The following KCNJ16 variants were observed in gnomAD, a reference collection of about 807,000 sequenced individuals.
KCNJ16 encodes the protein inward rectifier potassium channel 16.
In KCNJ16, 15 loss-of-function variants were observed where a neutral mutation model predicts 18.5. The ratio of observed to expected loss-of-function variants is 0.81; its 90% confidence interval spans 0.54 to 1.25. The LOEUF is 1.25. Among genes scored for constraint, KCNJ16 ranks in the 50% most tolerant of loss-of-function variants. The pLI, the probability that KCNJ16 is intolerant of heterozygous loss-of-function variation, is 0.00. For synonymous variants in KCNJ16, 174 were observed against 186.5 expected (o/e 0.93, Z 0.55); for missense variants, 523 against 525.7 (o/e 0.99, Z 0.05).
chr17:70,114,617 C>T (rs1243965402), intron 2 of KCNJ16, among the ~76,000 whole-genome samples: 2 of 152,124 alleles, frequency 1.3e-5, no homozygotes, highest in African/African-American at 4.8e-5. Context: ...AAGCAGGTAA[C>T]TAGTACAAAA....
intron 1 of KCNJ16, among the ~76,000 whole-genome samples, chr17:70,098,836 C>T (rs552966838): frequency 1.8e-3 from 270 of 152,228 alleles, no homozygotes; most frequent in African/African-American, 5.5e-3. Context: ...GCTGGTCAAA[C>T]GGCACCTCAA....
chr17:70,124,600 G>A (rs975342562), intron 2 of KCNJ16, among the ~76,000 whole-genome samples: 4 of 152,146 alleles, frequency 2.6e-5, no homozygotes, highest in Admixed American at 2.6e-4. Context: ...TGCCAACCCA[G>A]ATCCAGCTCA....
chr17:70,095,689 A>C (rs1054296295), intron 1 of KCNJ16, among the ~76,000 whole-genome samples: 1 of 151,776 alleles, frequency 6.6e-6, no homozygotes, highest in African/African-American at 2.4e-5. Context: ...CTTTATTAGG[A>C]TCTCTATACA....
At chr17:70,106,492 G>T (rs2072933302) in intron 2 of KCNJ16, among the ~76,000 whole-genome samples, 1 of 152,092 alleles carries the variant, frequency 6.6e-6, no homozygotes, top group Non-Finnish European at 1.5e-5. Context: ...AGTGATAGGG[G>T]GTTAATAGCT....
chr17:70,115,835 T>G (rs896385493), intron 2 of KCNJ16, among the ~76,000 whole-genome samples: 6 of 152,208 alleles, frequency 3.9e-5, no homozygotes, highest in African/African-American at 1.4e-4. Context: ...ATATTTGTTT[T>G]TGTAAATTGT....
intron 2 of KCNJ16, among the ~76,000 whole-genome samples, chr17:70,105,640 A>G (rs978858639): frequency 6.6e-6 from 1 of 152,236 alleles, no homozygotes; most frequent in Non-Finnish European, 1.5e-5. Flanking sequence ...AGGTAACTTC[A>G]ATAAATAATA....
intron 1 of KCNJ16, among the ~76,000 whole-genome samples, chr17:70,096,453 CTTAT>C (rs1382845118): frequency 2.4e-5 from 2 of 83,566 alleles, no homozygotes; most frequent in Non-Finnish European, 4.8e-5. Context: ...GTATTATGAA[CTTAT>C]TTAATTTTTA....
chr17:70,075,360 C>T lies in KCNJ16; in HGVS notation c.-330C>T, dbSNP rs535079144. 32 of 152,260 alleles carry T rather than the reference C, an allele frequency of 2.1e-4. No homozygotes were observed. Among genetic ancestry groups the T allele is most frequent in the African/African-American group, 7.7e-4 (32 of 41,540 alleles). The allele number at this position is 152,260 out of a possible 1,614,324, so 9.4% of individuals were successfully genotyped here. A position where few individuals can be genotyped will look rare whatever the true frequency, so the allele number is the denominator to read the frequency against. On this transcript the variant is annotated 5_prime_UTR_variant, in exon 1 of 4. Transcript: ENST00000392671. ...ATTGCCCAGCTGAAAGCACCTAGCT[C>T]ATAGATTCTCTGTGGGGAGAGTGAA...
chr17:70,106,920 C>G (rs2072958428), intron 2 of KCNJ16, among the ~76,000 whole-genome samples: 1 of 152,086 alleles, frequency 6.6e-6, no homozygotes, highest in Non-Finnish European at 1.5e-5. Flanking sequence ...AAGAGGTGGC[C>G]TCTTAATAGG....
chr17:70,087,065 CTT>C (rs142092333), intron 1 of KCNJ16, among the ~76,000 whole-genome samples: 2 of 140,938 alleles, frequency 1.4e-5, no homozygotes, highest in African/African-American at 5.2e-5. Flanking sequence ...CACCTAGCTA[CTT>C]TTTTTTTTTT....
chr17:70,116,039 C>T (rs554444818), intron 2 of KCNJ16, among the ~76,000 whole-genome samples: 1 of 151,782 alleles, frequency 6.6e-6, no homozygotes, highest in South Asian at 2.1e-4. Context: ...TTTCTTTCTG[C>T]AAAAGTCATG....
intron 2 of KCNJ16, among the ~76,000 whole-genome samples, chr17:70,123,138 T>C (rs977209059): frequency 1.3e-5 from 2 of 152,184 alleles, no homozygotes; most frequent in African/African-American, 4.8e-5. Flanking sequence ...GGGAGAAATA[T>C]CCAAATCTTT....
rs188091604 is a variant in KCNJ16 at position 70,096,893 on chromosome 17, C to T, written c.-299-3765C>T. 1.0e-3 allele frequency: 399 copies of T among 398,262 alleles called. 3 individuals carry two copies. The highest frequency in any genetic ancestry group is 1.4e-3 in the Non-Finnish European group (318 of 225,856). The allele number at this position is 398,262 out of a possible 1,614,324, so 24.7% of individuals were successfully genotyped here. A position where few individuals can be genotyped will look rare whatever the true frequency, so the allele number is the denominator to read the frequency against. On this transcript the variant is annotated intron_variant, in intron 1 of 3. Coordinates refer to ENST00000392671, the MANE Select transcript of KCNJ16 (RefSeq NM_170741.4). Reference sequence around the variant, plus strand: ...ATTGTTTAGAGTGTAGACCAACCTACATTTAAAATATGATACTTCAGAAGT... The same window carrying T: ...ATTGTTTAGAGTGTAGACCAACCTATATTTAAAATATGATACTTCAGAAGT...
At chr17:70,125,326 T>C (rs1337972274) in intron 2 of KCNJ16, among the ~76,000 whole-genome samples, 2 of 151,522 alleles carry the variant, frequency 1.3e-5, no homozygotes, top group Middle Eastern at 3.2e-3. Context: ...CCCTGGGGCT[T>C]TGAGGAACTA....
chr17:70,103,277 T>G (rs2072735265), intron 2 of KCNJ16, among the ~76,000 whole-genome samples: 1 of 28,860 alleles, frequency 3.5e-5, no homozygotes, highest in Non-Finnish European at 7.3e-5. Context: ...GTGTATATAA[T>G]ATGCATATAT....
chr17:70,103,754 T>C (rs898661493), intron 2 of KCNJ16, among the ~76,000 whole-genome samples: 14 of 152,078 alleles, frequency 9.2e-5, no homozygotes, highest in Admixed American at 5.9e-4. Context: ...TCCAGACTAA[T>C]ATATTGTCTC....
intron 2 of KCNJ16, among the ~76,000 whole-genome samples, chr17:70,122,986 C>T (rs1216574293): frequency 1.3e-5 from 2 of 152,210 alleles, no homozygotes; most frequent in African/African-American, 4.8e-5. Context: ...GTTGAAACAG[C>T]TTTCTGGTTT....
chr17:70,083,568 C>T (rs1400846972), intron 1 of KCNJ16, among the ~76,000 whole-genome samples: 1 of 152,086 alleles, frequency 6.6e-6, no homozygotes, highest in Non-Finnish European at 1.5e-5. Flanking sequence ...ACATGCTGTA[C>T]AGGCTTGTAG....
intron 1 of KCNJ16, among the ~76,000 whole-genome samples, chr17:70,093,176 T>C (rs992682975): frequency 1.3e-5 from 2 of 152,204 alleles, no homozygotes; most frequent in Non-Finnish European, 2.9e-5. Context: ...GGATGCTCTA[T>C]AGTATTATTT....
Sources: allele counts gnomAD v4.1 joint callset (sites outside exome capture counted in the v4.1 genomes callset), GRCh38; gene constraint gnomAD v4.1.1; transcripts MANE v1.5; gene names NCBI Gene and HGNC (gene_info 2026-07-23, HGNC 2026-07-21).